CRPPA: variants seen among roughly 807,000 people sequenced by gnomAD.
The protein encoded by CRPPA is CDP-L-ribitol pyrophosphorylase A.
CRPPA carries 43 observed loss-of-function variants against 52.0 expected under a neutral mutation model. The observed-to-expected ratio is 0.83, with a 90% confidence interval of 0.65 to 1.07. CRPPA has a LOEUF of 1.07. Ranked by LOEUF, CRPPA falls within the 50% of genes least tolerant of loss-of-function variation. The pLI, the probability that CRPPA is intolerant of heterozygous loss-of-function variation, is 0.00. For missense variants in CRPPA, 629 were observed against 551.7 expected (o/e 1.14, Z -1.40); for synonymous variants, 250 against 203.5 (o/e 1.23, Z -1.94).
Position 16,091,713 on chromosome 7 carries a change from A to C in CRPPA, c.1338T>G (p.Gly446=), listed in dbSNP as rs1424229425. The change falls in exon 10 of 10, where the codon GGT becomes GGG. Residue 446 remains glycine, a synonymous_variant. Coordinates refer to ENST00000407010, the MANE Select transcript of CRPPA (RefSeq NM_001101426.4). ...GTGTTCTTCATGCTATCAGAAGCTGACCAATGAGTCCAGAATTTCTTTCCT... is the reference window on the plus strand; with the variant it reads ...GTGTTCTTCATGCTATCAGAAGCTGCCCAATGAGTCCAGAATTTCTTTCCT... ...LIKERNSGLI[G]QLLIA 9.6e-6 allele frequency: 15 copies of C among 1,555,620 alleles called. No individual in the cohort carries two copies. Among genetic ancestry groups the C allele is most frequent in the Non-Finnish European group, 1.3e-5 (15 of 1,147,318 alleles).
At chr7:16,309,473 G>A (rs142629253) in intron 3 of CRPPA, among the ~76,000 whole-genome samples, 9 of 152,228 alleles carry the variant, frequency 5.9e-5, no homozygotes, top group Admixed American at 5.2e-4. Context: ...TCTATGTGAC[G>A]GCATCAGGAA....
chr7:16,334,253 G>A (rs1026187756), intron 3 of CRPPA, among the ~76,000 whole-genome samples: 1 of 152,128 alleles, frequency 6.6e-6, no homozygotes, highest in African/African-American at 2.4e-5. Context: ...AGCAACTACA[G>A]GTCAGCGATT....
At chr7:16,282,714 G>A (rs1784343806) in intron 5 of CRPPA, among the ~76,000 whole-genome samples, 1 of 152,044 alleles carries the variant, frequency 6.6e-6, no homozygotes, top group Non-Finnish European at 1.5e-5. Flanking sequence ...TCTCTTAAGT[G>A]AGCAAAACAT....
At chr7:16,367,644 G>C (rs2128310572) in intron 3 of CRPPA, among the ~76,000 whole-genome samples, 1 of 152,204 alleles carries the variant, frequency 6.6e-6, no homozygotes. Context: ...CTTGTTGACA[G>C]TACGAGATAC....
At chr7:16,252,602 G>A (rs921669080) in intron 8 of CRPPA, among the ~76,000 whole-genome samples, 1 of 152,120 alleles carries the variant, frequency 6.6e-6, no homozygotes, top group Non-Finnish European at 1.5e-5. Context: ...TTTGGTATCA[G>A]GATGATGCTG....
chr7:16,324,826 T>C (rs1287778407), intron 3 of CRPPA, among the ~76,000 whole-genome samples: 1 of 152,212 alleles, frequency 6.6e-6, no homozygotes, highest in Non-Finnish European at 1.5e-5. Flanking sequence ...CCACTTTTGC[T>C]CCCATACTTG....
At chr7:16,365,451 G>A (rs561111430) in intron 3 of CRPPA, among the ~76,000 whole-genome samples, 1 of 152,290 alleles carries the variant, frequency 6.6e-6, no homozygotes, top group Non-Finnish European at 1.5e-5. Flanking sequence ...AACCTGTGCT[G>A]AAACGATAAT....
intron 3 of CRPPA, among the ~76,000 whole-genome samples, chr7:16,341,651 A>G (rs991389040): frequency 6.6e-6 from 1 of 151,840 alleles, no homozygotes; most frequent in Admixed American, 6.6e-5. Context: ...ACAAATTTCA[A>G]GTTTATTTTA....
chr7:16,358,257 C>T (rs1043703763), intron 3 of CRPPA, among the ~76,000 whole-genome samples: 2 of 152,024 alleles, frequency 1.3e-5, no homozygotes, highest in Non-Finnish European at 1.5e-5. Flanking sequence ...GGAACAGAAG[C>T]CCCCTCCTCC....
intron 3 of CRPPA, among the ~76,000 whole-genome samples, chr7:16,314,875 A>G (rs1785110821): frequency 6.6e-6 from 1 of 152,044 alleles, no homozygotes; most frequent in South Asian, 2.1e-4. Context: ...TTTGGAATTT[A>G]TACAGTCTGG....
intron 3 of CRPPA, among the ~76,000 whole-genome samples, chr7:16,355,843 A>G (rs1786280844): frequency 1.3e-5 from 2 of 152,208 alleles, no homozygotes; most frequent in Non-Finnish European, 2.9e-5. Flanking sequence ...CAGTGACTTG[A>G]GTAGGCATCT....
At chr7:16,408,344 T>A (rs1788003641) in intron 1 of CRPPA, among the ~76,000 whole-genome samples, 1 of 152,018 alleles carries the variant, frequency 6.6e-6, no homozygotes, top group Admixed American at 6.6e-5. Flanking sequence ...AAGGGATGGG[T>A]GGCAGGTAAG....
intron 9 of CRPPA, among the ~76,000 whole-genome samples, chr7:16,112,579 AC>A (rs1403321425): frequency 1.3e-5 from 2 of 152,240 alleles, no homozygotes; most frequent in African/African-American, 4.8e-5. Flanking sequence ...ATACTAAGTA[AC>A]AAAAAACAAT....
At chr7:16,158,439 A>C (rs1006684852) in intron 9 of CRPPA, among the ~76,000 whole-genome samples, 10 of 152,196 alleles carry the variant, frequency 6.6e-5, no homozygotes, top group African/African-American at 2.4e-4. Context: ...AATGGAATAC[A>C]GTTACTTTAG....
chr7:16,405,492 G>T (rs1787930474), intron 2 of CRPPA, among the ~76,000 whole-genome samples: 1 of 151,958 alleles, frequency 6.6e-6, no homozygotes, highest in South Asian at 2.1e-4. Context: ...AAAAAGTTTA[G>T]TATCTATTAC....
chr7:16,144,021 G>A (rs909423279), intron 9 of CRPPA, among the ~76,000 whole-genome samples: 13 of 152,168 alleles, frequency 8.5e-5, no homozygotes, highest in African/African-American at 3.1e-4. Context: ...AGACCAAAGT[G>A]CCTATGTAAA....
At chr7:16,323,036 T>C (rs1337543726) in intron 3 of CRPPA, among the ~76,000 whole-genome samples, 1 of 152,126 alleles carries the variant, frequency 6.6e-6, no homozygotes, top group African/African-American at 2.4e-5. Context: ...GAACCGACCC[T>C]ATGATCTAAT....
rs934870121 is a variant in CRPPA, at chr7:16,399,477, G to A, written c.534+6584C>T. On this transcript the variant is annotated intron_variant, in intron 2 of 9. Transcript: ENST00000407010. The stretch of plus-strand genomic sequence containing the variant: ...GTGACTGATACGAGATTGACAAGAC[G>A]TTTGATCAACACATGTGACTCGTGA... Among the ~76,000 whole-genome samples the A allele has an allele frequency of 6.7e-5, 10 of 149,694 alleles. No homozygotes were observed. In the East Asian group the frequency reaches 1.0e-3, roughly 15 times the overall value.
At position 16,120,661 on chromosome 7, in the gene CRPPA, T is replaced by C. The variant is rs373367664; in HGVS notation, c.1252-28862A>G. Among the ~76,000 whole-genome samples the C allele has an allele frequency of 3.7e-4, 56 of 152,278 alleles. No homozygotes were observed. The East Asian group carries it at 0.01, about 28-fold the overall frequency. ...CTACTTTTCCTTGCTGTATTCAAAGTTGAGGCCAGTCTCTCTCTCCTACTG... is the reference window on the plus strand; with the variant it reads ...CTACTTTTCCTTGCTGTATTCAAAGCTGAGGCCAGTCTCTCTCTCCTACTG... On this transcript the variant is annotated intron_variant, in intron 9 of 9. Coordinates refer to ENST00000407010, the MANE Select transcript of CRPPA (RefSeq NM_001101426.4).
Sources: gnomAD v4.1 joint callset for allele counts (sites outside exome capture counted in the v4.1 genomes callset) on GRCh38, gnomAD v4.1.1 for gene constraint, MANE v1.5 for transcripts, NCBI Gene and HGNC (gene_info 2026-07-23, HGNC 2026-07-21) for gene names.